The following ELL variants were observed in gnomAD, a reference collection of about 807,000 sequenced individuals.
ELL encodes elongation factor for RNA polymerase II.
Under a neutral mutation model 64.0 loss-of-function variants are expected in ELL, and 18 were observed. The observed-to-expected ratio is 0.28, with a 90% CI of 0.19 to 0.42. The LOEUF (loss-of-function observed/expected upper bound fraction) is 0.42, where lower values mean the gene tolerates loss of function less well. Among genes scored for constraint, ELL ranks in the 10% least tolerant of loss-of-function variants. ELL has a pLI of 1.00. For synonymous variants in ELL, 399 were observed against 376.2 expected, an observed-to-expected ratio of 1.06 and a Z score of -0.70; for missense variants, 797 against 870.4, an observed-to-expected ratio of 0.92 and a Z score of 1.06.
intron 1 of ELL, among the ~76,000 whole-genome samples, chr19:18,509,373 T>G (rs746576322): frequency 2.8e-4 from 43 of 152,114 alleles, no homozygotes; most frequent in Admixed American, 2.3e-3. Flanking sequence ...CTTACCCTCC[T>G]CAGGCCTGTG....
chr19:18,497,720 G>A (rs1031532206), intron 1 of ELL, among the ~76,000 whole-genome samples: 1 of 151,420 alleles, frequency 6.6e-6, no homozygotes, highest in African/African-American at 2.4e-5. Flanking sequence ...GGGAGGCTGG[G>A]GTGGGAGGAT....
chr19:18,449,916 C>T lies in ELL; in HGVS notation c.1465+561G>A, dbSNP rs1204106406. ...CGGAGCCGCCCAGGTCTCCTGGCTC[C>T]CCAATCCCAGCCTGCCAGGCCCTGT... On this transcript the variant is annotated intron_variant, in intron 8 of 11. Coordinates refer to ENST00000262809, the MANE Select transcript of ELL (RefSeq NM_006532.4). This position sits in a 1 kb window ranked among gnomAD's most constrained non-coding sequence, Gnocchi z 4.4. Among the ~76,000 whole-genome samples, 4 of 152,200 alleles carry T rather than the reference C, an allele frequency of 2.6e-5. No homozygotes were observed. The highest frequency in any genetic ancestry group is 5.9e-5 in the Non-Finnish European group (4 of 68,020).
rs767230092 is a variant in ELL, at chr19:18,461,693, C to T, written c.629G>A (p.Arg210Gln). The T allele has an allele frequency of 6.2e-7, 1 of 1,613,532 alleles. No homozygotes were observed. The highest frequency in any genetic ancestry group is 8.5e-7 in the Non-Finnish European group (1 of 1,179,966). Residue 210 changes from arginine (R) to glutamine (Q), a missense_variant, in exon 5 of 12, where the codon CGA becomes CAA. Coordinates refer to ENST00000262809, the MANE Select transcript of ELL (RefSeq NM_006532.4). ...SGVSQRPFRD[R>Q]VLHLLALRPY... Reference sequence around the variant, plus strand: ...CCGTAGTGCCAGGAGGTGCAGCACTCGGTCACGGAAGGGCCTCTGGGACAC... The same window carrying T: ...CCGTAGTGCCAGGAGGTGCAGCACTTGGTCACGGAAGGGCCTCTGGGACAC...
intron 1 of ELL, among the ~76,000 whole-genome samples, chr19:18,478,799 G>A (rs147776189): frequency 1.6e-3 from 237 of 152,338 alleles, no homozygotes; most frequent in Middle Eastern, 6.8e-3. Context: ...TGCGCCCTGC[G>A]GTCACTTGGC....
chr19:18,455,874 G>A (rs531194289), intron 6 of ELL, among the ~76,000 whole-genome samples: 2 of 152,124 alleles, frequency 1.3e-5, no homozygotes, highest in African/African-American at 4.8e-5. Flanking sequence ...TGAGGTGGGC[G>A]GATCACCTGA....
At chr19:18,479,870 G>A (rs901719113) in intron 1 of ELL, among the ~76,000 whole-genome samples, 1 of 152,040 alleles carries the variant, frequency 6.6e-6, no homozygotes, top group African/African-American at 2.4e-5. Context: ...GGGACAATGA[G>A]GCCCAAGGCA....
chr19:18,509,468 G>A lies in ELL; in HGVS notation c.135+12453C>T, dbSNP rs1319988074. ...AGAAGGGCAATGTGATGGGGTGGCC[G>A]CCCCCACCCGGCCCCTTGGCCCACA... On this transcript the variant is annotated intron_variant, in intron 1 of 11. Transcript: ENST00000262809. 5.9e-5 allele frequency among the ~76,000 whole-genome samples: 9 copies of A among 152,152 alleles called. No homozygotes were observed. The East Asian group carries it at 1.6e-3, about 26-fold the overall frequency.
intron 1 of ELL, among the ~76,000 whole-genome samples, chr19:18,516,061 G>A (rs536282699): frequency 6.6e-6 from 1 of 152,268 alleles, no homozygotes; most frequent in African/African-American, 2.4e-5. Flanking sequence ...GCAAGAAGCT[G>A]CCCTGCTCAG....
intron 10 of ELL, among the ~76,000 whole-genome samples, chr19:18,445,603 A>G (rs1974396492): frequency 6.6e-6 from 1 of 151,928 alleles, no homozygotes; most frequent in Non-Finnish European, 1.5e-5. Flanking sequence ...GAGATGCCCC[A>G]AGAACCCGTG....
chr19:18,495,957 C>T (rs954733964), intron 1 of ELL, among the ~76,000 whole-genome samples: 5 of 152,218 alleles, frequency 3.3e-5, no homozygotes, highest in Non-Finnish European at 5.9e-5. Context: ...AAGGGGCTAG[C>T]CTCCGTGAGC....
At chr19:18,521,790 G>A in intron 1 of ELL, 131 bp downstream of exon 1, 8 of 1,344,426 alleles carry the variant, frequency 6.0e-6, no homozygotes, top group Non-Finnish European at 7.7e-6. Context: ...TCCGCGCCCC[G>A]CCGGCCCAGG....
intron 2 of ELL, among the ~76,000 whole-genome samples, chr19:18,468,309 C>T (rs1293847066): frequency 3.3e-5 from 5 of 152,188 alleles, no homozygotes; most frequent in African/African-American, 1.2e-4. Flanking sequence ...GCCCTGAAGC[C>T]TCAGCCAGAG....
chr19:18,509,701 G>A (rs1052556279), intron 1 of ELL, among the ~76,000 whole-genome samples: 1 of 150,480 alleles, frequency 6.6e-6, no homozygotes, highest in East Asian at 2.0e-4. Context: ...CTGGAAGTAG[G>A]TGGATTCCAC....
At chr19:18,474,210 C>T (rs1347726423) in intron 1 of ELL, among the ~76,000 whole-genome samples, 2 of 152,352 alleles carry the variant, frequency 1.3e-5, no homozygotes, top group South Asian at 2.1e-4. Context: ...CAGCGGAAGC[C>T]GCCTGGGACA....
Position 18,443,138 on chromosome 19 carries a change from CGACACAGCAAGG to C in ELL, c.*1602_*1613del, listed in dbSNP as rs1974329327. The C allele has an allele frequency of 4.3e-6, 1 of 232,192 alleles. No individual in the cohort carries two copies. Among genetic ancestry groups the C allele is most frequent in the South Asian group, 1.8e-4 (1 of 5,528 alleles). 14.4% of individuals were successfully genotyped at this position (232,192 alleles called of 1,614,324 possible). On this transcript the variant is annotated 3_prime_UTR_variant, in exon 12 of 12. Transcript: ENST00000262809. ...CGGTGTCTGCAGGGCTGCCTGCGGGCGACACAGCAAGGTCCAGCTGACTCTGGAGGCCTCCTG... is the reference window on the plus strand; with the variant it reads ...CGGTGTCTGCAGGGCTGCCTGCGGGCTCCAGCTGACTCTGGAGGCCTCCTG...
At chr19:18,509,006 T>C (rs1378640935) in intron 1 of ELL, among the ~76,000 whole-genome samples, 3 of 152,156 alleles carry the variant, frequency 2.0e-5, no homozygotes, top group Non-Finnish European at 4.4e-5. Context: ...TAGGCCTCAG[T>C]TTCCTTGAGG....
chr19:18,499,353 C>G (rs1201784466), intron 1 of ELL, among the ~76,000 whole-genome samples: 2 of 152,188 alleles, frequency 1.3e-5, no homozygotes, highest in East Asian at 3.8e-4. Context: ...CTTTGTCACA[C>G]AGGGTGATGA....
chr19:18,479,003 CCCCTGATCCT>C (rs1363477048), intron 1 of ELL, among the ~76,000 whole-genome samples: 1 of 152,210 alleles, frequency 6.6e-6, no homozygotes, highest in Non-Finnish European at 1.5e-5. Flanking sequence ...GGGCCAGAAT[CCCCTGATCCT>C]CTCCCCTCCG....
rs1221139540 is a variant in ELL at position 18,463,312 on chromosome 19, C to T, written c.470-1460G>A. On this transcript the variant is annotated intron_variant, in intron 4 of 11. Coordinates refer to ENST00000262809, the MANE Select transcript of ELL (RefSeq NM_006532.4). ...GGGGGCACTGTGAGACAGAGGAACA[C>T]GCACATTCACATCTTTTTTTTTTTT... Among the ~76,000 whole-genome samples the T allele has an allele frequency of 2.5e-4, 37 of 148,344 alleles. 1 individual carries two copies. Among genetic ancestry groups the T allele is most frequent in the South Asian group, 6.4e-4 (3 of 4,686 alleles).
Sources: allele counts gnomAD v4.1 joint callset (sites outside exome capture counted in the v4.1 genomes callset), GRCh38; gene constraint gnomAD v4.1.1; non-coding constraint Gnocchi (gnomAD v3.1); transcripts MANE v1.5; gene names NCBI Gene and HGNC (gene_info 2026-07-23, HGNC 2026-07-21).